Variants in MPHOSPH8 observed in about 807,000 individuals in gnomAD.
MPHOSPH8 encodes the protein M-phase phosphoprotein 8, also known as M-phase phosphoprotein, mpp.
A neutral mutation model predicts 87.3 loss-of-function variants in MPHOSPH8; 45 were observed. The ratio of observed to expected loss-of-function variants is 0.52; its 90% confidence interval spans 0.41 to 0.66. MPHOSPH8 has a LOEUF of 0.66. MPHOSPH8 is among the 30% of genes least tolerant of loss of function. MPHOSPH8 has a pLI of 0.00. For missense variants in MPHOSPH8, 883 were observed against 1,020.2 expected (o/e 0.87, Z 1.83); for synonymous variants, 366 against 376.9 (o/e 0.97, Z 0.33).
intron 7 of MPHOSPH8, among the ~76,000 whole-genome samples, chr13:19,661,378 G>A (rs566538985): frequency 6.6e-5 from 10 of 152,164 alleles, no homozygotes; most frequent in South Asian, 2.1e-4. Context: ...GTGAATAAAC[G>A]TGCTTGTGGC....
rs754805793 is a variant in MPHOSPH8, at chr13:19,661,815, G to A, written c.1909G>A (p.Ala637Thr). 6.2e-6 allele frequency: 10 copies of A among 1,611,634 alleles called. No individual in the cohort carries two copies. The highest frequency in any genetic ancestry group is 5.5e-5 in the South Asian group (5 of 90,682). The change falls in exon 8 of 14, where the codon GCC becomes ACC. Residue 637 changes from alanine (A) to threonine (T), a missense_variant. This residue lies in a region of MPHOSPH8 where 741 missense variants were observed against 841.5 expected (regional missense o/e 0.88). Transcript: ENST00000361479. The stretch of plus-strand genomic sequence containing the variant: ...CGGTCGGCAGAAGAACGGGACCACC[G>A]CCCTCATTCATGCTGCAGAGAAGGT... ...VNGRQKNGTTALIHAAEKNFL... is the reference protein window; with the variant it reads ...VNGRQKNGTTTLIHAAEKNFL...
intron 4 of MPHOSPH8, 101 bp downstream of exon 4, chr13:19,648,622 C>T (rs1325767720): frequency 4.3e-6 from 2 of 460,258 alleles, no homozygotes; most frequent in African/African-American, 4.1e-5. Flanking sequence ...AATTTTTTTT[C>T]CTTATTTTCA....
In MPHOSPH8 at chr13:19,642,137, G is replaced by A. The variant is rs1160996250; in HGVS notation, c.236G>A (p.Arg79His). Residue 79 changes from arginine to histidine, a missense_variant, in exon 2 of 14, where the codon CGC (arginine) becomes CAC (histidine). Physicochemically the swap from Arg to His is conservative, Grantham distance 29. Around this residue, in one of 3 missense-constraint regions of MPHOSPH8, gnomAD observed 39 missense variants for 82.4 expected, o/e 0.47. Transcript: ENST00000361479. ...TEGGKVLYKV[R>H]WKGYTSDDDT... is the part of the protein sequence containing the mutation. ...CAGGGTAAAGTTCTTTACAAAGTTC[G>A]CTGGAAAGGCTATACATCGGATGAT... 18 of 1,579,878 alleles carry A rather than the reference G, an allele frequency of 1.1e-5. No individual in the cohort carries two copies. The highest frequency in any genetic ancestry group is 1.4e-5 in the African/African-American group (1 of 71,590).
At chr13:19,662,369 C>G (rs1300240363) in intron 8 of MPHOSPH8, among the ~76,000 whole-genome samples, 1 of 152,220 alleles carries the variant, frequency 6.6e-6, no homozygotes, top group Non-Finnish European at 1.5e-5. Flanking sequence ...AAGCAATCCT[C>G]TCGCCTCAGC....
At chr13:19,648,238 A>G (rs1215938100) in intron 3 of MPHOSPH8, among the ~76,000 whole-genome samples, 184 bp from the exon 4 acceptor site, 1 of 151,780 alleles carries the variant, frequency 6.6e-6, no homozygotes, top group Non-Finnish European at 1.5e-5. Context: ...TTTGTGAATT[A>G]TTATATGGTT....
At chr13:19,634,701 T>C (rs1322850117) in intron 1 of MPHOSPH8, among the ~76,000 whole-genome samples, 2 of 152,318 alleles carry the variant, frequency 1.3e-5, no homozygotes, top group Admixed American at 6.5e-5. Flanking sequence ...ACTTTTTGTA[T>C]TGACCTCTAT....
rs149100336 is a variant in MPHOSPH8, at chr13:19,634,525, C to T, written c.213+564C>T. ...CAGAAATACTTGGAATTCATCACACCATGCCTTGGTGTTTCCTGTTCTCCT... is the reference window on the plus strand; with the variant it reads ...CAGAAATACTTGGAATTCATCACACTATGCCTTGGTGTTTCCTGTTCTCCT... On this transcript the variant is annotated intron_variant, in intron 1 of 13. Coordinates refer to ENST00000361479, the MANE Select transcript of MPHOSPH8 (RefSeq NM_017520.4). Among the ~76,000 whole-genome samples the T allele has an allele frequency of 2.5e-3, 382 of 152,238 alleles. 1 individual carries two copies. Among genetic ancestry groups the T allele is most frequent in the African/African-American group, 8.7e-3 (361 of 41,534 alleles).
chr13:19,633,946 C>G lies in MPHOSPH8; in HGVS notation c.198C>G (p.Asp66Glu). Reference protein sequence around the residue: ...EDVFEVEKILDMKTEGGKVLY... With the variant: ...EDVFEVEKILEMKTEGGKVLY... The stretch of plus-strand genomic sequence containing the variant: ...TGTTCGAGGTGGAGAAGATCCTGGA[C>G]ATGAAGACCGAGGGGGTATGTGGAG... Residue 66 changes from aspartate (D) to glutamate (E), a missense_variant, in exon 1 of 14, where the codon GAC becomes GAG. Around this residue, in one of 3 missense-constraint regions of MPHOSPH8, gnomAD observed 103 missense variants for 96.3 expected, o/e 1.07. Coordinates refer to ENST00000361479, the MANE Select transcript of MPHOSPH8 (RefSeq NM_017520.4). 6.2e-7 allele frequency: 1 copy of G among 1,609,068 alleles called. No homozygotes were observed. Among genetic ancestry groups the G allele is most frequent in the Non-Finnish European group, 8.5e-7 (1 of 1,178,316 alleles).
chr13:19,642,008 C>T (rs1874317896), intron 1 of MPHOSPH8, 107 bp from the exon 2 acceptor site: 1 of 988,260 alleles, frequency 1.0e-6, no homozygotes, highest in Non-Finnish European at 1.4e-6. Context: ...CACTTAGAAG[C>T]AATTTTCAAG....
intron 9 of MPHOSPH8, 43 bp from the exon 10 acceptor site, chr13:19,666,382 A>G: frequency 1.3e-6 from 2 of 1,561,906 alleles, no homozygotes; most frequent in Non-Finnish European, 1.8e-6. Flanking sequence ...CCCATGCCAC[A>G]GTTTACAGCT....
At chr13:19,667,327 A>G (rs770280700) in intron 10 of MPHOSPH8, among the ~76,000 whole-genome samples, 4 of 152,166 alleles carry the variant, frequency 2.6e-5, no homozygotes, top group Admixed American at 2.0e-4. Flanking sequence ...CCAGTCACCC[A>G]CAGTGGGACA....
chr13:19,659,047 G>C lies in MPHOSPH8; in HGVS notation c.1629G>C (p.Met543Ile), dbSNP rs751885140. Residue 543 changes from methionine (M) to isoleucine (I), a missense_variant, in exon 6 of 14, where the codon ATG becomes ATC. Physicochemically the swap from Met to Ile is conservative, Grantham distance 10. Around this residue, in one of 3 missense-constraint regions of MPHOSPH8, gnomAD observed 741 missense variants for 841.5 expected, o/e 0.88. Transcript: ENST00000361479. ...SLGMDLQLEW[M>I]KLEDFQKHLD... ...GCATGGACCTGCAGTTGGAATGGAT[G>C]AAGTTGGAAGATTTCCAAAAGCACC... 2 of 1,614,192 alleles carry C rather than the reference G, an allele frequency of 1.2e-6. No individual in the cohort carries two copies. The highest frequency in any genetic ancestry group is 1.7e-6 in the Non-Finnish European group (2 of 1,180,028).
At chr13:19,637,266 A>G (rs1008548177) in intron 1 of MPHOSPH8, among the ~76,000 whole-genome samples, 1 of 152,212 alleles carries the variant, frequency 6.6e-6, no homozygotes, top group Non-Finnish European at 1.5e-5. Flanking sequence ...ACTGATAACT[A>G]GCATTAGATT....
chr13:19,656,277 C>CAAA (rs71198922), intron 5 of MPHOSPH8, among the ~76,000 whole-genome samples: 5,751 of 71,772 alleles, frequency 0.08, 1,043 homozygotes, highest in Non-Finnish European at 0.096. Context: ...AGACTGTTGT[C>CAAA]AAAAAAAAAA....
At position 19,654,849 on chromosome 13, in the gene MPHOSPH8, G is replaced by A. The variant is rs920366797; in HGVS notation, c.1577-4146G>A. Among the ~76,000 whole-genome samples, 60 of 152,088 alleles carry A rather than the reference G, an allele frequency of 3.9e-4. 2 individuals are homozygous for A. The highest frequency in any genetic ancestry group is 1.0e-4 in the Non-Finnish European group (7 of 68,012). On this transcript the variant is annotated intron_variant, in intron 5 of 13. Coordinates refer to ENST00000361479, the MANE Select transcript of MPHOSPH8 (RefSeq NM_017520.4). ...TGTAATCCCAGCTACTCAGGAAGTT[G>A]AGGCAGGAGAATCGCTTGAACCCAG...
chr13:19,669,785 C>T (rs1423772173), intron 11 of MPHOSPH8, among the ~76,000 whole-genome samples: 1 of 152,078 alleles, frequency 6.6e-6, no homozygotes, highest in Non-Finnish European at 1.5e-5. Flanking sequence ...GCTGGGATTA[C>T]AGACATGAGC....
intron 5 of MPHOSPH8, among the ~76,000 whole-genome samples, chr13:19,655,740 A>G (rs1193025939): frequency 6.6e-6 from 1 of 152,158 alleles, no homozygotes; most frequent in African/African-American, 2.4e-5. Context: ...CAACACTTTT[A>G]TTCAACATTA....
rs934929630 is a variant in MPHOSPH8 at position 19,638,190 on chromosome 13, A to G, written c.214-3925A>G. On this transcript the variant is annotated intron_variant, in intron 1 of 13. Transcript: ENST00000361479. ...GCATATATTCTCAATGGATAAAATC[A>G]CCATCTTCCCACCCATTTAATGTAG... Among the ~76,000 whole-genome samples the G allele has an allele frequency of 7.2e-5, 11 of 152,332 alleles. No homozygotes were observed. The South Asian group carries it at 2.3e-3, about 32-fold the overall frequency.
At chr13:19,634,597 A>G (rs923439269) in intron 1 of MPHOSPH8, among the ~76,000 whole-genome samples, 2 of 151,924 alleles carry the variant, frequency 1.3e-5, no homozygotes, top group African/African-American at 2.4e-5. Flanking sequence ...ATCTTACTCA[A>G]ATGCTTCCAA....
Sources: gnomAD v4.1 joint callset for allele counts (sites outside exome capture counted in the v4.1 genomes callset) on GRCh38, gnomAD v4.1.1 for gene constraint, gnomAD v4.1.1 regional missense constraint, MANE v1.5 for transcripts, NCBI Gene and HGNC (gene_info 2026-07-23, HGNC 2026-07-21) for gene names.